TNRC6C: variants seen among roughly 807,000 people sequenced by gnomAD.
The protein encoded by TNRC6C is trinucleotide repeat containing adaptor 6C.
In TNRC6C, 20 loss-of-function variants were observed where a neutral mutation model predicts 153.7. The observed-to-expected ratio is 0.13, with a 90% CI of 0.09 to 0.19. The LOEUF (loss-of-function observed/expected upper bound fraction) is 0.19. Among genes scored for constraint, TNRC6C ranks in the 10% least tolerant of loss-of-function variants. The probability of loss-of-function intolerance (pLI) is 1.00; values close to 1 mark genes in which losing one functional copy is unlikely to be tolerated. For missense variants in TNRC6C, 1,987 were observed against 2,172.0 expected, an observed-to-expected ratio of 0.91 and a Z score of 1.69; for synonymous variants, 811 against 841.4, an observed-to-expected ratio of 0.96 and a Z score of 0.63.
At chr17:77,967,405 G>A (rs752004835) in intron 1 of TNRC6C, among the ~76,000 whole-genome samples, 1 of 152,120 alleles carries the variant, frequency 6.6e-6, no homozygotes, top group African/African-American at 2.4e-5. Flanking sequence ...GTCATGCGGG[G>A]GGGGAGAGAA....
At position 78,007,509 on chromosome 17, in the gene TNRC6C, C is replaced by T. The variant is rs1185567888; in HGVS notation, c.-546+2430C>T. 3.9e-5 allele frequency among the ~76,000 whole-genome samples: 6 copies of T among 152,194 alleles called. 1 individual carries two copies. Among genetic ancestry groups the T allele is most frequent in the South Asian group, 2.1e-4 (1 of 4,836 alleles). Reference sequence around the variant, plus strand: ...GGTTGGCCTGACTGTACCTATGATACATGTTATAGTACTAGTATTAGTGTT... The same window carrying T: ...GGTTGGCCTGACTGTACCTATGATATATGTTATAGTACTAGTATTAGTGTT... On this transcript the variant is annotated intron_variant, in intron 1 of 19. Coordinates refer to ENST00000301624, the Ensembl canonical transcript of TNRC6C.
At chr17:77,996,745 G>C (rs573849280) in intron 1 of TNRC6C, among the ~76,000 whole-genome samples, 18 of 152,248 alleles carry the variant, frequency 1.2e-4, no homozygotes, top group African/African-American at 4.3e-4. Flanking sequence ...CTCTGATTCT[G>C]TTTGGTTCAC....
At chr17:78,077,481 C>T in intron 9 of TNRC6C, 147 bp downstream of exon 11, 2 of 1,059,190 alleles carry the variant, frequency 1.9e-6, no homozygotes, top group Non-Finnish European at 2.7e-6. Flanking sequence ...ACCAGGATTT[C>T]CCTTCAGGTG....
chr17:77,970,853 G>T (rs959421783), intron 1 of TNRC6C, among the ~76,000 whole-genome samples: 1 of 152,016 alleles, frequency 6.6e-6, no homozygotes, highest in Non-Finnish European at 1.5e-5. Context: ...TTTAAAACAT[G>T]AAAAAATTAG....
chr17:77,994,848 G>A (rs1567905488), intron 1 of TNRC6C, among the ~76,000 whole-genome samples: 1 of 152,080 alleles, frequency 6.6e-6, no homozygotes, highest in Non-Finnish European at 1.5e-5. Context: ...TGTGCTATTG[G>A]TTAAATACAG....
At chr17:78,014,705 C>G (rs770386514) in intron 1 of TNRC6C, among the ~76,000 whole-genome samples, 5 of 151,114 alleles carry the variant, frequency 3.3e-5, no homozygotes, top group African/African-American at 7.3e-5. Context: ...GAAAATACCT[C>G]TGAACGGCAT....
intron 2 of TNRC6C, 147 bp from the exon 5 acceptor site, chr17:78,048,698 A>C (rs2143967765): frequency 1.3e-6 from 1 of 743,748 alleles, no homozygotes; most frequent in Non-Finnish European, 1.8e-6. Flanking sequence ...GAAGACAAAT[A>C]GCTTTTTTCT....
At chr17:78,030,469 G>A (rs1342056778) in intron 1 of TNRC6C, among the ~76,000 whole-genome samples, 1 of 152,096 alleles carries the variant, frequency 6.6e-6, no homozygotes, top group Non-Finnish European at 1.5e-5. Context: ...GTTACCACCA[G>A]CATCACCACA....
chr17:78,091,635 G>A, intron 14 of TNRC6C, 28 bp downstream of exon 16: 15 of 1,460,090 alleles, frequency 1.0e-5, no homozygotes, highest in Non-Finnish European at 1.3e-5. Flanking sequence ...TGCCTGTGGT[G>A]GGATCACTGC....
intron 1 of TNRC6C, among the ~76,000 whole-genome samples, chr17:77,987,776 T>A (rs1233466263): frequency 6.6e-6 from 1 of 151,872 alleles, no homozygotes; most frequent in African/African-American, 2.4e-5. Context: ...GCCTCCCGGG[T>A]TCAAGCGATT....
intron 2 of TNRC6C, among the ~76,000 whole-genome samples, chr17:78,037,096 A>G (rs1027943939): frequency 2.0e-5 from 3 of 152,228 alleles, no homozygotes; most frequent in African/African-American, 4.8e-5. Flanking sequence ...TTAATCTGCA[A>G]GCTTGCTTCT....
chr17:78,094,221 T>G (rs1290532760), intron 16 of TNRC6C, among the ~76,000 whole-genome samples: 1 of 151,312 alleles, frequency 6.6e-6, no homozygotes, highest in Non-Finnish European at 1.5e-5. Context: ...ACCTCAGGTG[T>G]CGCCCATGCT....
chr17:78,028,357 C>T (rs1251319966), intron 1 of TNRC6C, among the ~76,000 whole-genome samples: 3 of 152,086 alleles, frequency 2.0e-5, no homozygotes, highest in Non-Finnish European at 4.4e-5. Context: ...CAAGGCAGAC[C>T]CAGGAAGTTG....
chr17:78,068,544 G>A (rs919008342), intron 5 of TNRC6C, among the ~76,000 whole-genome samples: 6 of 151,978 alleles, frequency 3.9e-5, no homozygotes, highest in Admixed American at 2.0e-4. Flanking sequence ...CTGTAATCCC[G>A]GCACTTTGGG....
intron 1 of TNRC6C, among the ~76,000 whole-genome samples, chr17:77,972,383 G>C (rs1200362854): frequency 6.6e-6 from 1 of 152,050 alleles, no homozygotes; most frequent in Non-Finnish European, 1.5e-5. Context: ...ATGATGGCAG[G>C]TACCTGTAAT....
chr17:78,039,732 G>C (rs1270088993), intron 2 of TNRC6C, among the ~76,000 whole-genome samples: 1 of 152,202 alleles, frequency 6.6e-6, no homozygotes, highest in East Asian at 1.9e-4. Flanking sequence ...GGGCAATAAA[G>C]GCCTAGAAAT....
chr17:78,064,800 C>A (rs2144199633), exon 4 of TNRC6C: 1 of 1,613,950 alleles, frequency 6.2e-7, no homozygotes, highest in South Asian at 1.1e-5. Context: ...TCCCCTTCTA[C>A]CCTGGTGGAT....
Position 78,031,861 on chromosome 17 carries a change from G to T in TNRC6C, c.-219+19G>T. 1 of 1,232,086 alleles carries T rather than the reference G, an allele frequency of 8.1e-7. No individual in the cohort carries two copies. Among genetic ancestry groups the T allele is most frequent in the South Asian group, 4.1e-5 (1 of 24,260 alleles). 76.3% of individuals were successfully genotyped at this position (1,232,086 alleles called of 1,614,324 possible). A position where few individuals can be genotyped will look rare whatever the true frequency, so the allele number is the denominator to read the frequency against. On this transcript the variant is annotated intron_variant, in intron 2 of 19. Transcript: ENST00000301624. ...CAACCAGGTAAAAACCACATAGGATGAGACATTGTTTTGATCTGAAAACTT... is the reference window on the plus strand; with the variant it reads ...CAACCAGGTAAAAACCACATAGGATTAGACATTGTTTTGATCTGAAAACTT...
intron 1 of TNRC6C, among the ~76,000 whole-genome samples, chr17:77,981,345 T>C (rs2071074844): frequency 6.6e-6 from 1 of 152,148 alleles, no homozygotes; most frequent in Non-Finnish European, 1.5e-5. Flanking sequence ...TCCCTGGAGA[T>C]TGGAGGGTAG....
Sources: allele counts gnomAD v4.1 joint callset (sites outside exome capture counted in the v4.1 genomes callset), GRCh38; gene constraint gnomAD v4.1.1; transcripts MANE v1.5; gene names NCBI Gene and HGNC (gene_info 2026-07-23, HGNC 2026-07-21).